Variants in SLC25A33 observed in about 807,000 individuals in gnomAD.
SLC25A33 encodes the protein solute carrier family 25 member 33, also known as bone marrow stromal cell mitochondrial carrier protein.
A neutral mutation model predicts 35.5 loss-of-function variants in SLC25A33; 15 were observed. The observed-to-expected ratio is 0.42, with a 90% CI of 0.28 to 0.65. SLC25A33 has a LOEUF of 0.65. Among genes scored for constraint, SLC25A33 ranks in the 30% least tolerant of loss-of-function variants. The probability of loss-of-function intolerance (pLI) is 0.20; values close to 1 mark genes in which losing one functional copy is unlikely to be tolerated. For synonymous variants in SLC25A33, 136 were observed against 148.7 expected (o/e 0.91, Z 0.62); for missense variants, 257 against 398.5 (o/e 0.64, Z 3.02).
intron 4 of SLC25A33, 114 bp from the exon 5 acceptor site, chr1:9,573,232 C>T: frequency 8.7e-6 from 6 of 689,998 alleles, no homozygotes; most frequent in African/African-American, 1.8e-5. Context: ...TTCCTACTGT[C>T]TTTTTATTAG....
intron 2 of SLC25A33, among the ~76,000 whole-genome samples, chr1:9,562,988 G>A (rs1295011128): frequency 1.4e-5 from 2 of 141,838 alleles, no homozygotes; most frequent in South Asian, 2.2e-4. Flanking sequence ...GCGCAATCTC[G>A]GCTCACTGCA....
At chr1:9,552,049 A>G (rs1569848332) in intron 1 of SLC25A33, among the ~76,000 whole-genome samples, 1 of 152,322 alleles carries the variant, frequency 6.6e-6, no homozygotes, top group East Asian at 1.9e-4. Context: ...GAAGAAAAAT[A>G]TTTAAATAGT....
In SLC25A33 at chr1:9,546,253, C is replaced by T. The variant is rs1051814340; in HGVS notation, c.56+6506C>T. On this transcript the variant is annotated intron_variant, in intron 1 of 6. Transcript: ENST00000302692. ...AGGCTGGAGTGCAGTGGTGCGATCT[C>T]GGCTCACTGCAAACTCCATCTCCCG... Among the ~76,000 whole-genome samples the T allele has an allele frequency of 8.8e-5, 12 of 136,864 alleles. No homozygotes were observed. The East Asian group carries it at 1.2e-3, about 13-fold the overall frequency. 89.8% of individuals were successfully genotyped at this position (136,864 alleles called of 152,430 possible). A position where few individuals can be genotyped will look rare whatever the true frequency, so the allele number is the denominator to read the frequency against.
intron 5 of SLC25A33, 22 bp from the exon 6 acceptor site, chr1:9,579,932 T>C (rs758311838): frequency 1.2e-6 from 2 of 1,600,562 alleles, no homozygotes; most frequent in Non-Finnish European, 1.7e-6. Flanking sequence ...CTTAACAGCC[T>C]GTGTTGGTCT....
chr1:9,560,201 G>A (rs150581123), intron 2 of SLC25A33, among the ~76,000 whole-genome samples: 3,676 of 150,416 alleles, frequency 0.024, 130 homozygotes, highest in East Asian at 0.19. Flanking sequence ...GCAGTGAGCC[G>A]AGATCACGCC....
intron 2 of SLC25A33, among the ~76,000 whole-genome samples, chr1:9,564,765 T>TATATATATACAC (rs59741987): frequency 3.5e-4 from 40 of 114,820 alleles, no homozygotes; most frequent in East Asian, 2.8e-3. Context: ...TATATATATA[T>TATATATATACAC]ACACAAAAAT....
chr1:9,570,248 GTTC>G lies in SLC25A33; in HGVS notation c.315-8_315-6del. ...ATGATTTCTTTATAATGTTCTCTTTGTTCTAACAGGGCTGTATACTTTGCATGT... is the reference window on the plus strand; with the variant it reads ...ATGATTTCTTTATAATGTTCTCTTTGTAACAGGGCTGTATACTTTGCATGT... On this transcript the variant is annotated splice_region_variant and splice_polypyrimidine_tract_variant and intron_variant, in intron 3 of 6. Transcript: ENST00000302692. The G allele has an allele frequency of 6.2e-7, 1 of 1,610,064 alleles. No homozygotes were observed. The highest frequency in any genetic ancestry group is 1.7e-5 in the Admixed American group (1 of 59,534).
chr1:9,574,225 T>C (rs994560357), intron 5 of SLC25A33, among the ~76,000 whole-genome samples: 1 of 151,862 alleles, frequency 6.6e-6, no homozygotes, highest in African/African-American at 2.4e-5. Context: ...CCTCAGTAGT[T>C]TGAGACCACA....
At chr1:9,552,649 G>A (rs750245470) in intron 1 of SLC25A33, among the ~76,000 whole-genome samples, 1 of 152,152 alleles carries the variant, frequency 6.6e-6, no homozygotes, top group Non-Finnish European at 1.5e-5. Context: ...CTTTTCTAGA[G>A]TATTCATTGC....
intron 1 of SLC25A33, among the ~76,000 whole-genome samples, chr1:9,543,083 G>A (rs1432287070): frequency 1.3e-5 from 2 of 152,168 alleles, no homozygotes; most frequent in Non-Finnish European, 2.9e-5. Flanking sequence ...CTCCCAAAGT[G>A]CTAGGATTAT....
chr1:9,568,805 C>G (rs566844706), intron 3 of SLC25A33, among the ~76,000 whole-genome samples: 1 of 151,242 alleles, frequency 6.6e-6, no homozygotes. Flanking sequence ...GAGCTGAGAT[C>G]GCTGCACTCC....
At chr1:9,570,678 G>GAT (rs1643576135) in intron 4 of SLC25A33, among the ~76,000 whole-genome samples, 1 of 143,142 alleles carries the variant, frequency 7.0e-6, no homozygotes. Context: ...TAGATAGATA[G>GAT]ATATAGATAG....
intron 5 of SLC25A33, among the ~76,000 whole-genome samples, chr1:9,574,118 C>CTTTTTTTTTTTTTTTT (rs57215050): frequency 2.2e-5 from 3 of 134,362 alleles, no homozygotes; most frequent in African/African-American, 8.3e-5. Flanking sequence ...CTTTTCTTTT[C>CTTTTTTTTTTTTTTTT]TTTTTTTTTT....
chr1:9,545,490 C>T (rs1445347627), intron 1 of SLC25A33, among the ~76,000 whole-genome samples: 1 of 152,028 alleles, frequency 6.6e-6, no homozygotes, highest in Non-Finnish European at 1.5e-5. Context: ...CTCCGCCCTC[C>T]GAGTTCAAGC....
intron 2 of SLC25A33, among the ~76,000 whole-genome samples, chr1:9,562,100 C>T (rs1321085433): frequency 2.0e-5 from 3 of 149,570 alleles, no homozygotes; most frequent in African/African-American, 5.0e-5. Flanking sequence ...GCAATCCCAG[C>T]ACTTTGGGAG....
intron 1 of SLC25A33, among the ~76,000 whole-genome samples, chr1:9,545,898 G>T (rs1267806809): frequency 6.6e-6 from 1 of 151,618 alleles, no homozygotes; most frequent in Non-Finnish European, 1.5e-5. Flanking sequence ...GGGAGGCGGA[G>T]CTTGCAGTGA....
In SLC25A33 at chr1:9,545,204, G is replaced by A. The variant is rs553525950; in HGVS notation, c.56+5457G>A. On this transcript the variant is annotated intron_variant, in intron 1 of 6. Transcript: ENST00000302692. ...GGAGGGGAGTTTTTTTGTTTTTGGT[G>A]GTTTTTTTTGTTTTGTTTGTTTGTT... Among the ~76,000 whole-genome samples, 4 of 151,992 alleles carry A rather than the reference G, an allele frequency of 2.6e-5. No homozygotes were observed. In the South Asian group the frequency reaches 8.3e-4, roughly 32 times the overall value.
intron 5 of SLC25A33, among the ~76,000 whole-genome samples, chr1:9,574,507 A>G (rs1323297608): frequency 6.6e-6 from 1 of 152,248 alleles, no homozygotes; most frequent in African/African-American, 2.4e-5. Context: ...AAGAAATGAT[A>G]AACAGTGTCC....
At chr1:9,562,029 G>A (rs1319563617) in intron 2 of SLC25A33, among the ~76,000 whole-genome samples, 3 of 141,264 alleles carry the variant, frequency 2.1e-5, no homozygotes, top group Non-Finnish European at 3.0e-5. Flanking sequence ...CTCGCCTGGC[G>A]ACAGAGCAAG....
Sources: gnomAD v4.1 joint callset for allele counts (sites outside exome capture counted in the v4.1 genomes callset) on GRCh38, gnomAD v4.1.1 for gene constraint, MANE v1.5 for transcripts, NCBI Gene and HGNC (gene_info 2026-07-23, HGNC 2026-07-21) for gene names.